The following ATAD3C variants were observed in gnomAD, a reference collection of about 807,000 sequenced individuals.
ATAD3C encodes the protein ATPase family AAA domain containing 3C.
Under a neutral mutation model 46.3 loss-of-function variants are expected in ATAD3C, and 38 were observed. The ratio of observed to expected loss-of-function variants is 0.82; its 90% confidence interval spans 0.63 to 1.08. The LOEUF is 1.08. Ranked by LOEUF, ATAD3C falls within the 50% of genes least tolerant of loss-of-function variation. The pLI is 0.00. For synonymous variants in ATAD3C, 220 were observed against 236.4 expected, an observed-to-expected ratio of 0.93 and a Z score of 0.63; for missense variants, 563 against 572.7, an observed-to-expected ratio of 0.98 and a Z score of 0.17.
rs1161577966 is a variant in ATAD3C at position 1,455,888 on chromosome 1, C to G, written c.536C>G (p.Pro179Arg). The G allele has an allele frequency of 6.2e-7, 1 of 1,613,326 alleles. No individual in the cohort carries two copies. Residue 179 changes from proline (P) to arginine (R), a missense_variant, in exon 6 of 12, where the codon CCA (proline) becomes CGA (arginine). Physicochemically the swap from Pro to Arg is moderately radical, Grantham distance 103. Transcript: ENST00000378785. ...AGGCACATCCTGCTGTACGGGCCAC[C>G]AGGCACCGGGAAGACGCTGTTTGCC... The part of the protein sequence containing the change: ...LYRHILLYGP[P>R]GTGKTLFAKK...
At chr1:1,452,946 C>T (rs780024066) in intron 3 of ATAD3C, among the ~76,000 whole-genome samples, 2 of 152,022 alleles carry the variant, frequency 1.3e-5, no homozygotes, top group Non-Finnish European at 2.9e-5. Flanking sequence ...TCTTTTGTGC[C>T]CAGGCTCCGG....
Position 1,462,369 on chromosome 1 carries a change from T to G in ATAD3C, c.981-231T>G. 2.1e-6 allele frequency: 1 copy of G among 471,032 alleles called. No homozygotes were observed. The highest frequency in any genetic ancestry group is 4.3e-5 in the East Asian group (1 of 23,372). The allele number at this position is 471,032 out of a possible 1,614,324, so 29.2% of individuals were successfully genotyped here. A position where few individuals can be genotyped will look rare whatever the true frequency, so the allele number is the denominator to read the frequency against. The stretch of plus-strand genomic sequence containing the variant: ...CCTGTGGGTGCTGAGTGGACAGGGC[T>G]GGTGTTAGGAAGGGGTGCGGCCATC... On this transcript the variant is annotated intron_variant, in intron 10 of 11. Coordinates refer to ENST00000378785, the MANE Select transcript of ATAD3C (RefSeq NM_001039211.3). The surrounding 1 kb of genome is among the most constrained non-coding windows in gnomAD (Gnocchi z 4.5).
chr1:1,452,256 T>C (rs1638873472), intron 2 of ATAD3C, 109 bp from the exon 3 acceptor site: 3 of 1,588,350 alleles, frequency 1.9e-6, no homozygotes, highest in East Asian at 2.2e-5. Flanking sequence ...ACTGCCCCCC[T>C]GTCCTGGCAG....
chr1:1,456,540 C>T (rs537035845), intron 7 of ATAD3C, among the ~76,000 whole-genome samples, 191 bp downstream of exon 7: 41 of 149,810 alleles, frequency 2.7e-4, no homozygotes, highest in East Asian at 1.0e-3. Context: ...GGACACGAGG[C>T]CCCCAGCGTG....
chr1:1,457,420 C>T (rs1171381636), intron 8 of ATAD3C, among the ~76,000 whole-genome samples: 1 of 151,224 alleles, frequency 6.6e-6, no homozygotes, highest in Non-Finnish European at 1.5e-5. Flanking sequence ...CGGTGAAACC[C>T]CGTCTCTACT....
chr1:1,462,795 T>C lies in ATAD3C; in HGVS notation c.1089+87T>C. ...TGCGCCAGGCCTGTCCCAGCACCGG[T>C]GTCACGTGGGAGCTTCTGTTGAGGG... On this transcript the variant is annotated intron_variant, in intron 11 of 11. Coordinates refer to ENST00000378785, the MANE Select transcript of ATAD3C (RefSeq NM_001039211.3). The surrounding 1 kb of genome is among the most constrained non-coding windows in gnomAD (Gnocchi z 4.5). 1 of 1,442,598 alleles carries C rather than the reference T, an allele frequency of 6.9e-7. No homozygotes were observed. Among genetic ancestry groups the C allele is most frequent in the South Asian group, 1.3e-5 (1 of 79,076 alleles). 89.4% of individuals were successfully genotyped at this position (1,442,598 alleles called of 1,614,324 possible).
chr1:1,456,829 G>C (rs2936660), intron 7 of ATAD3C, among the ~76,000 whole-genome samples: 51,132 of 148,902 alleles, frequency 0.34, 12,877 homozygotes, highest in African/African-American at 0.71. Flanking sequence ...GAACCACGAT[G>C]CTCATGGTTG....
At position 1,450,634 on chromosome 1, in the gene ATAD3C, G is replaced by T; in HGVS notation, c.-50G>T. On this transcript the variant is annotated 5_prime_UTR_variant, in exon 1 of 12. Coordinates refer to ENST00000378785, the MANE Select transcript of ATAD3C (RefSeq NM_001039211.3). ...GGCTGGTGTGCGTGCCTGCCCAGCG[G>T]CATCCGTGTATCCTAACACCTGCCC... The T allele has an allele frequency of 3.8e-6, 6 of 1,579,990 alleles. No individual in the cohort carries two copies. The highest frequency in any genetic ancestry group is 5.2e-6 in the Non-Finnish European group (6 of 1,162,434).
intron 7 of ATAD3C, among the ~76,000 whole-genome samples, chr1:1,456,827 ATGC>A (rs931926156): frequency 1.3e-4 from 20 of 151,386 alleles, no homozygotes; most frequent in African/African-American, 4.9e-4. Flanking sequence ...TGGAACCACG[ATGC>A]TCATGGTTGG....
In ATAD3C at chr1:1,469,529, T is replaced by C. The variant is rs1483379254; in HGVS notation, c.*999T>C. ...CGTCTGACTATGGCTGGGGAACTCA[T>C]TTGGTTTTTCTCCTCTCTTATTTTT... On this transcript the variant is annotated 3_prime_UTR_variant, in exon 12 of 12. Coordinates refer to ENST00000378785, the MANE Select transcript of ATAD3C (RefSeq NM_001039211.3). 2.0e-5 allele frequency: 3 copies of C among 151,718 alleles called. No homozygotes were observed. The East Asian group carries it at 5.8e-4, about 29-fold the overall frequency. The allele number at this position is 151,718 out of a possible 1,614,324, so 9.4% of individuals were successfully genotyped here. A position where few individuals can be genotyped will look rare whatever the true frequency, so the allele number is the denominator to read the frequency against.
At chr1:1,461,935 C>T (rs1363184366) in intron 10 of ATAD3C, among the ~76,000 whole-genome samples, 7 of 152,036 alleles carry the variant, frequency 4.6e-5, no homozygotes, top group South Asian at 2.1e-4. Context: ...GCAGCAGGCA[C>T]GGTGGGCAGA....
chr1:1,457,912 G>C (rs931903031), intron 8 of ATAD3C, among the ~76,000 whole-genome samples: 1 of 151,610 alleles, frequency 6.6e-6, no homozygotes, highest in Non-Finnish European at 1.5e-5. Flanking sequence ...TCTTGACCTT[G>C]TAATGCCCCT....
chr1:1,466,695 C>T (rs1639151068), intron 11 of ATAD3C, among the ~76,000 whole-genome samples: 1 of 151,838 alleles, frequency 6.6e-6, no homozygotes, highest in Admixed American at 6.6e-5. Flanking sequence ...ATATGTTGAA[C>T]TGTCCTTGCA....
In ATAD3C at chr1:1,462,409, C is replaced by T; in HGVS notation, c.981-191C>T. ...GTGCGGCCATCTCCAGGCCCCACAGCCGCCCCCTTCCTGCTCAGCCCAGGC... is the reference window on the plus strand; with the variant it reads ...GTGCGGCCATCTCCAGGCCCCACAGTCGCCCCCTTCCTGCTCAGCCCAGGC... On this transcript the variant is annotated intron_variant, in intron 10 of 11. Coordinates refer to ENST00000378785, the MANE Select transcript of ATAD3C (RefSeq NM_001039211.3). This position sits in a 1 kb window ranked among gnomAD's most constrained non-coding sequence, Gnocchi z 4.5. The T allele has an allele frequency of 1.8e-6, 1 of 569,310 alleles. No homozygotes were observed. The highest frequency in any genetic ancestry group is 3.1e-6 in the Non-Finnish European group (1 of 318,588). The allele number at this position is 569,310 out of a possible 1,614,324, so 35.3% of individuals were successfully genotyped here.
At chr1:1,457,608 A>AC (rs1488814648) in intron 8 of ATAD3C, among the ~76,000 whole-genome samples, 3 of 150,352 alleles carry the variant, frequency 2.0e-5, no homozygotes, top group Admixed American at 6.6e-5. Flanking sequence ...AAAAAAAAAA[A>AC]AAAAAACAAA....
Position 1,465,415 on chromosome 1 carries a change from C to A in ATAD3C, c.1089+2707C>A, listed in dbSNP as rs753237826. On this transcript the variant is annotated intron_variant, in intron 11 of 11. Coordinates refer to ENST00000378785, the MANE Select transcript of ATAD3C (RefSeq NM_001039211.3). ...GACCATCCTGGCTAACATGGTGAAA[C>A]CCCATCTCTGCTAAAAATACAAAAA... Among the ~76,000 whole-genome samples the A allele has an allele frequency of 8.2e-4, 124 of 150,386 alleles. 1 individual carries two copies. The highest frequency in any genetic ancestry group is 1.3e-3 in the Non-Finnish European group (90 of 67,446).
intron 3 of ATAD3C, among the ~76,000 whole-genome samples, chr1:1,452,871 C>T (rs1173612990): frequency 6.6e-6 from 1 of 151,920 alleles, no homozygotes; most frequent in Non-Finnish European, 1.5e-5. Context: ...CAAAAACCCT[C>T]TTTATTCCTC....
chr1:1,457,285 A>C, intron 8 of ATAD3C, 105 bp downstream of exon 8: 1 of 1,567,892 alleles, frequency 6.4e-7, no homozygotes, highest in South Asian at 1.1e-5. Flanking sequence ...TTTTTCTCTA[A>C]GTTTTGTGTG....
At position 1,454,384 on chromosome 1, in the gene ATAD3C, G is replaced by A; in HGVS notation, c.262G>A (p.Ala88Thr). ...GCTGCTGGCTGTCGGGGTCTACTCA[G>A]CCAAGAATGCGACAGCCGTCACTGG... ...LTLLAVGVYSAKNATAVTGRY... is the reference protein window; with the variant it reads ...LTLLAVGVYSTKNATAVTGRY... The change falls in exon 4 of 12, where the codon GCC (alanine) becomes ACC (threonine). Residue 88 changes from alanine (A) to threonine (T), a missense_variant. Ala to Thr is a moderately conservative substitution (Grantham distance 58). Coordinates refer to ENST00000378785, the MANE Select transcript of ATAD3C (RefSeq NM_001039211.3). The A allele has an allele frequency of 6.2e-7, 1 of 1,602,314 alleles. No homozygotes were observed. The highest frequency in any genetic ancestry group is 8.5e-7 in the Non-Finnish European group (1 of 1,176,372).
Sources: allele counts gnomAD v4.1 joint callset (sites outside exome capture counted in the v4.1 genomes callset), GRCh38; gene constraint gnomAD v4.1.1; non-coding constraint Gnocchi (gnomAD v3.1); transcripts MANE v1.5; gene names NCBI Gene and HGNC (gene_info 2026-07-23, HGNC 2026-07-21).